The following SP4 variants were observed in gnomAD, a reference collection of about 807,000 sequenced individuals.
SP4 encodes Sp4 transcription factor, also known as transcription factor Sp4.
A neutral mutation model predicts 72.8 loss-of-function variants in SP4; 19 were observed. That is an observed-to-expected ratio of 0.26 (90% CI 0.18 to 0.38). The LOEUF is 0.38. SP4 is among the 10% of genes least tolerant of loss of function. The pLI is 1.00. For synonymous variants in SP4, 395 were observed against 333.1 expected, an observed-to-expected ratio of 1.19 and a Z score of -2.02; for missense variants, 1,008 against 926.3, an observed-to-expected ratio of 1.09 and a Z score of -1.14.
intron 5 of SP4, among the ~76,000 whole-genome samples, chr7:21,487,165 T>C (rs886562059): frequency 3.3e-5 from 5 of 152,218 alleles, no homozygotes; most frequent in African/African-American, 1.2e-4. Flanking sequence ...CCTTTGGCCA[T>C]TGGAAGGTCT....
chr7:21,469,849 G>T (rs185123348), intron 3 of SP4, among the ~76,000 whole-genome samples: 31 of 151,916 alleles, frequency 2.0e-4, no homozygotes, highest in Admixed American at 2.0e-3. Flanking sequence ...ACCATGCTGG[G>T]CCTATAATTT....
intron 3 of SP4, among the ~76,000 whole-genome samples, chr7:21,458,511 A>G (rs997585879): frequency 3.3e-5 from 5 of 152,164 alleles, no homozygotes; most frequent in Non-Finnish European, 7.3e-5. Flanking sequence ...GAGTTTTTAA[A>G]AATCATACTG....
At chr7:21,503,793 A>G (rs934808480) in intron 5 of SP4, among the ~76,000 whole-genome samples, 39 of 152,104 alleles carry the variant, frequency 2.6e-4, no homozygotes, top group African/African-American at 8.9e-4. Context: ...CTGTTTTCTA[A>G]TCACCTTTTT....
rs546739397 is a variant in SP4, at chr7:21,465,307, C to T, written c.1679-11772C>T. ...GATAGACAGGTGTTACTGTGTTTACCTCTAACTCCCTGTTGCCTGCAAAGT... is the reference window on the plus strand; with the variant it reads ...GATAGACAGGTGTTACTGTGTTTACTTCTAACTCCCTGTTGCCTGCAAAGT... On this transcript the variant is annotated intron_variant, in intron 3 of 5. Transcript: ENST00000222584. Among the ~76,000 whole-genome samples, 3 of 152,238 alleles carry T rather than the reference C, an allele frequency of 2.0e-5. No homozygotes were observed. The South Asian group carries it at 6.2e-4, about 32-fold the overall frequency.
intron 5 of SP4, among the ~76,000 whole-genome samples, chr7:21,493,976 A>C (rs1325599206): frequency 6.6e-6 from 1 of 152,198 alleles, no homozygotes; most frequent in Non-Finnish European, 1.5e-5. Context: ...TTATTCCAAG[A>C]ATGAAAAGCT....
intron 5 of SP4, among the ~76,000 whole-genome samples, chr7:21,493,861 A>G (rs1348858193): frequency 2.6e-5 from 4 of 152,218 alleles, no homozygotes; most frequent in Non-Finnish European, 4.4e-5. Context: ...TACCAAAGAA[A>G]AAAACTTAGA....
chr7:21,479,139 T>C (rs1031454894), intron 4 of SP4, among the ~76,000 whole-genome samples: 1 of 152,116 alleles, frequency 6.6e-6, no homozygotes, highest in African/African-American at 2.4e-5. Flanking sequence ...ACTTTCTTGA[T>C]AGTGCCTTTG....
intron 3 of SP4, among the ~76,000 whole-genome samples, chr7:21,436,164 G>C (rs1435172767): frequency 6.6e-6 from 1 of 152,176 alleles, no homozygotes; most frequent in Non-Finnish European, 1.5e-5. Context: ...CTCCCAAAGT[G>C]CTGGGATTAC....
intron 5 of SP4, among the ~76,000 whole-genome samples, chr7:21,487,846 T>G (rs1784863208): frequency 1.3e-5 from 2 of 152,106 alleles, no homozygotes; most frequent in Middle Eastern, 3.4e-3. Flanking sequence ...TTTGAAAACT[T>G]TATGAGCTAG....
chr7:21,435,407 A>G (rs1380532236), intron 3 of SP4, among the ~76,000 whole-genome samples: 2 of 152,196 alleles, frequency 1.3e-5, no homozygotes, highest in Admixed American at 6.5e-5. Context: ...GGTACCAAAG[A>G]AAATAATTAA....
chr7:21,428,274 C>T lies in SP4; in HGVS notation c.7+16C>T, dbSNP rs997974007. 5.4e-6 allele frequency: 8 copies of T among 1,471,698 alleles called. No homozygotes were observed. In the Middle Eastern group the frequency reaches 6.8e-4, roughly 126 times the overall value. 91.2% of individuals were successfully genotyped at this position (1,471,698 alleles called of 1,614,324 possible). On this transcript the variant is annotated intron_variant, in intron 1 of 5. Transcript: ENST00000222584. Reference sequence around the variant, plus strand: ...GGGATGAGCGGTACGTATTCTCCACCCCCCTCAGTCTCCTTCGCCGCCTCC... The same window carrying T: ...GGGATGAGCGGTACGTATTCTCCACTCCCCTCAGTCTCCTTCGCCGCCTCC...
At position 21,430,027 on chromosome 7, in the gene SP4, G is replaced by T. The variant is rs768600418; in HGVS notation, c.862G>T (p.Ala288Ser). ...GACTGGGCAGGTTGGCCAGCCTGCT[G>T]CTACTGCTGATAGTGGGACTTCCAA... ...GGTGQVGQPA[A>S]TADSGTSNGN... Residue 288 changes from alanine to serine, a missense_variant, in exon 3 of 6, where the codon GCT becomes TCT. By Grantham distance (99) the Ala-to-Ser change is moderately conservative (BLOSUM62 1). Coordinates refer to ENST00000222584, the MANE Select transcript of SP4 (RefSeq NM_003112.5). 4 of 1,614,174 alleles carry T rather than the reference G, an allele frequency of 2.5e-6. No homozygotes were observed. The highest frequency in any genetic ancestry group is 3.4e-6 in the Non-Finnish European group (4 of 1,180,030).
rs185304488 is a variant in SP4 at position 21,472,306 on chromosome 7, A to G, written c.1679-4773A>G. Among the ~76,000 whole-genome samples, 886 of 151,832 alleles carry G rather than the reference A, an allele frequency of 5.8e-3. 4 individuals carry two copies. Among genetic ancestry groups the G allele is most frequent in the Non-Finnish European group, 1.0e-2 (677 of 67,914 alleles). ...GTTTGTTTGTTTGTTTTTGAGAGGG[A>G]CTTTCTCTGTCACCCAGGCTGAAGT... On this transcript the variant is annotated intron_variant, in intron 3 of 5. Coordinates refer to ENST00000222584, the MANE Select transcript of SP4 (RefSeq NM_003112.5).
chr7:21,430,723 A>G lies in SP4; in HGVS notation c.1558A>G (p.Ile520Val), dbSNP rs566678412. 1.9e-5 allele frequency: 30 copies of G among 1,614,082 alleles called. No homozygotes were observed. Among genetic ancestry groups the G allele is most frequent in the South Asian group, 1.1e-4 (10 of 91,086 alleles). Residue 520 changes from isoleucine to valine, a missense_variant, in exon 3 of 6, where the codon ATA (isoleucine) becomes GTA (valine). Ile to Val is a conservative substitution (Grantham distance 29). Coordinates refer to ENST00000222584, the MANE Select transcript of SP4 (RefSeq NM_003112.5). ...IAPVAVAGAP[I>V]TLNTAQLASV... ...TCCTGTGGCTGTTGCTGGTGCCCCA[A>G]TAACTTTGAATACTGCCCAGCTTGC...
intron 3 of SP4, among the ~76,000 whole-genome samples, chr7:21,465,720 G>C (rs1056872544): frequency 6.6e-6 from 1 of 152,136 alleles, no homozygotes; most frequent in South Asian, 2.1e-4. Flanking sequence ...AAAAAATTTA[G>C]CTGGGTATGG....
intron 5 of SP4, among the ~76,000 whole-genome samples, chr7:21,502,438 C>A (rs1274630291): frequency 1.3e-5 from 2 of 151,988 alleles, no homozygotes; most frequent in Non-Finnish European, 2.9e-5. Context: ...CTCCACAATG[C>A]GGGAAAGAGC....
Position 21,481,970 on chromosome 7 carries a change from G to A in SP4, c.1954G>A (p.Glu652Lys). 6.2e-7 allele frequency: 1 copy of A among 1,614,028 alleles called. No individual in the cohort carries two copies. The highest frequency in any genetic ancestry group is 8.5e-7 in the Non-Finnish European group (1 of 1,179,930). ...AAAGAAGCAGCATATCTGTCATATT[G>A]AAGGATGTGGTAAAGTTTATGGCAA... is the stretch of plus-strand genomic sequence containing the variant. The part of the protein sequence containing the change: ...GKKKQHICHI[E>K]GCGKVYGKTS... The change falls in exon 5 of 6, where the codon GAA becomes AAA. Residue 652 changes from glutamate (E) to lysine (K), a missense_variant. Physicochemically the swap from Glu to Lys is moderately conservative, Grantham distance 56. Around this residue, in one of 3 missense-constraint regions of SP4, gnomAD observed 48 missense variants for 117.0 expected, o/e 0.41. Coordinates refer to ENST00000222584, the MANE Select transcript of SP4 (RefSeq NM_003112.5).
At chr7:21,476,084 A>G (rs543290748) in intron 3 of SP4, among the ~76,000 whole-genome samples, 1 of 152,218 alleles carries the variant, frequency 6.6e-6, no homozygotes, top group Non-Finnish European at 1.5e-5. Flanking sequence ...CAGCCTGGCA[A>G]ACATGGCAAA....
Position 21,428,179 on chromosome 7 carries a change from T to TCCCCCCCCCCCCCCCCCCCCCCCCCC in SP4, c.-70_-69insCCCCCCCCCCCCCCCCCCCCCCCCCC. ...GCGGGCGGGCGGGACCGGCCTCTCC[T>TCCCCCCCCCCCCCCCCCCCCCCCCCC]CCCGCCTCGCCCCCACCCCCACCCA... is the stretch of plus-strand genomic sequence containing the variant. On this transcript the variant is annotated 5_prime_UTR_variant, in exon 1 of 6. Transcript: ENST00000222584. 3.3e-6 allele frequency: 2 copies of TCCCCCCCCCCCCCCCCCCCCCCCCCC among 600,796 alleles called. No individual in the cohort carries two copies. The highest frequency in any genetic ancestry group is 6.3e-6 in the Non-Finnish European group (2 of 315,458). 37.2% of individuals were successfully genotyped at this position (600,796 alleles called of 1,614,324 possible).
Sources: allele counts gnomAD v4.1 joint callset (sites outside exome capture counted in the v4.1 genomes callset), GRCh38; gene constraint gnomAD v4.1.1; regional missense constraint gnomAD v4.1.1; transcripts MANE v1.5; gene names NCBI Gene and HGNC (gene_info 2026-07-23, HGNC 2026-07-21).